The following TIAM1 variants were observed in gnomAD, a reference collection of about 807,000 sequenced individuals.
The protein encoded by TIAM1 is TIAM Rac1 associated GEF 1.
In TIAM1, 65 loss-of-function variants were observed where a neutral mutation model predicts 163.5. The ratio of observed to expected loss-of-function variants is 0.40; its 90% CI spans 0.33 to 0.49. The LOEUF is 0.49. Ranked by LOEUF, TIAM1 falls within the 20% of genes least tolerant of loss-of-function variation. The probability of loss-of-function intolerance (pLI) is 0.77; values close to 1 mark genes in which losing one functional copy is unlikely to be tolerated. For missense variants in TIAM1, 1,789 were observed against 2,044.7 expected (o/e 0.87, Z 2.41); for synonymous variants, 833 against 810.1 (o/e 1.03, Z -0.48).
rs555613107 is a variant in TIAM1 at position 31,359,084 on chromosome 21, A to G, written c.-368-19662T>C. On this transcript the variant is annotated intron_variant, in intron 2 of 28. Transcript: ENST00000286827. ...TTTATATTCTTTTAGTCTTCATTCA[A>G]ATGGTACCATCTCATCACTATACCC... 1.4e-3 allele frequency among the ~76,000 whole-genome samples: 207 copies of G among 152,068 alleles called. 1 individual carries two copies. Among genetic ancestry groups the G allele is most frequent in the African/African-American group, 4.9e-3 (202 of 41,462 alleles).
chr21:31,324,890 G>A (rs746683497), intron 2 of TIAM1, among the ~76,000 whole-genome samples: 4 of 152,148 alleles, frequency 2.6e-5, no homozygotes, highest in Non-Finnish European at 5.9e-5. Flanking sequence ...ACAGGGAAAT[G>A]GTGAATACCT....
At chr21:31,201,113 G>GT (rs1436568947) in intron 12 of TIAM1, among the ~76,000 whole-genome samples, 3 of 152,232 alleles carry the variant, frequency 2.0e-5, no homozygotes, top group Admixed American at 1.3e-4. Flanking sequence ...ATGGAACCTG[G>GT]TTAGGCATGA....
intron 2 of TIAM1, among the ~76,000 whole-genome samples, chr21:31,411,507 A>C: frequency 7.7e-6 from 1 of 129,132 alleles, no homozygotes. Context: ...ATAGGGTCTC[A>C]CTCCCTTGCC....
chr21:31,190,734 G>A (rs778293315), intron 13 of TIAM1, among the ~76,000 whole-genome samples: 9 of 152,134 alleles, frequency 5.9e-5, no homozygotes, highest in Non-Finnish European at 8.8e-5. Context: ...GTAAAGTGTG[G>A]GAGTGAGCTG....
intron 2 of TIAM1, among the ~76,000 whole-genome samples, chr21:31,454,486 T>C (rs946182550): frequency 2.0e-5 from 3 of 152,116 alleles, no homozygotes; most frequent in Non-Finnish European, 4.4e-5. Context: ...CAGAGCAAGG[T>C]AGGCGTTCAC....
At chr21:31,227,116 C>T (rs1341741695) in intron 6 of TIAM1, among the ~76,000 whole-genome samples, 2 of 151,816 alleles carry the variant, frequency 1.3e-5, no homozygotes, top group South Asian at 2.1e-4. Context: ...GCCACCATGC[C>T]CGGCTAAGTT....
At chr21:31,412,284 G>C (rs1250700787) in intron 2 of TIAM1, among the ~76,000 whole-genome samples, 1 of 152,150 alleles carries the variant, frequency 6.6e-6, no homozygotes, top group Non-Finnish European at 1.5e-5. Flanking sequence ...AGGATGGCGG[G>C]GTGCAAAGAG....
At chr21:31,552,689 G>T (rs1000635323) in intron 1 of TIAM1, among the ~76,000 whole-genome samples, 2 of 152,114 alleles carry the variant, frequency 1.3e-5, no homozygotes, top group African/African-American at 4.8e-5. Flanking sequence ...AGAATTGCTT[G>T]AACCTGGGAG....
chr21:31,537,310 G>A (rs1209347165), intron 1 of TIAM1, among the ~76,000 whole-genome samples: 1 of 152,164 alleles, frequency 6.6e-6, no homozygotes, highest in Non-Finnish European at 1.5e-5. Context: ...TCTTGGGACT[G>A]AAGAGGAGCA....
At chr21:31,371,117 T>C in intron 2 of TIAM1, among the ~76,000 whole-genome samples, 1 of 152,180 alleles carries the variant, frequency 6.6e-6, no homozygotes, top group Admixed American at 6.5e-5. Context: ...TGACAACAAC[T>C]TCAATTCAAG....
intron 2 of TIAM1, among the ~76,000 whole-genome samples, chr21:31,277,791 T>C (rs1311295582): frequency 6.6e-6 from 1 of 152,204 alleles, no homozygotes; most frequent in Non-Finnish European, 1.5e-5. Context: ...TTCTTTCTTG[T>C]GCGAGATCCA....
At chr21:31,187,593 T>C (rs1197599271) in intron 13 of TIAM1, among the ~76,000 whole-genome samples, 1 of 152,188 alleles carries the variant, frequency 6.6e-6, no homozygotes, top group Non-Finnish European at 1.5e-5. Flanking sequence ...GAATCTGTAA[T>C]GTGAATTACA....
At chr21:31,210,593 AGAG>A (rs2086700127) in intron 10 of TIAM1, among the ~76,000 whole-genome samples, 1 of 80,880 alleles carries the variant, frequency 1.2e-5, no homozygotes, top group African/African-American at 7.0e-5. Flanking sequence ...AAAGAAAGAA[AGAG>A]AGAAAGAAGG....
intron 2 of TIAM1, among the ~76,000 whole-genome samples, chr21:31,327,283 T>C (rs534568483): frequency 6.6e-6 from 1 of 152,172 alleles, no homozygotes; most frequent in Non-Finnish European, 1.5e-5. Flanking sequence ...GAACTCATTC[T>C]AGAATTCATC....
intron 2 of TIAM1, among the ~76,000 whole-genome samples, chr21:31,331,466 T>G (rs1162223329): frequency 6.6e-6 from 1 of 152,186 alleles, no homozygotes; most frequent in African/African-American, 2.4e-5. Flanking sequence ...GTCTTAAATG[T>G]TATTCCAAAA....
intron 2 of TIAM1, among the ~76,000 whole-genome samples, chr21:31,305,067 A>C (rs917590324): frequency 3.9e-5 from 6 of 152,208 alleles, no homozygotes; most frequent in African/African-American, 1.4e-4. Flanking sequence ...TAGTAACTTT[A>C]TATGTGTACA....
intron 2 of TIAM1, among the ~76,000 whole-genome samples, chr21:31,414,391 T>C (rs2043304080): frequency 6.6e-6 from 1 of 152,094 alleles, no homozygotes; most frequent in African/African-American, 2.4e-5. Context: ...AATCTAACAG[T>C]GAAGAATCCC....
At chr21:31,528,218 T>C (rs942148634) in intron 1 of TIAM1, among the ~76,000 whole-genome samples, 1 of 152,084 alleles carries the variant, frequency 6.6e-6, no homozygotes, top group Non-Finnish European at 1.5e-5. Flanking sequence ...GACCTCTATT[T>C]AAAATACTTC....
rs556784908 is a variant in TIAM1, at chr21:31,395,694, T to C, written c.-368-56272A>G. ...TAAATATTGACTAAAACATCTATCT[T>C]GGGGAGGGGGCGCATGCGTTCCCCT... On this transcript the variant is annotated intron_variant, in intron 2 of 28. Transcript: ENST00000286827. This position sits in a 1 kb window ranked among gnomAD's most constrained non-coding sequence, Gnocchi z 7.5. Among the ~76,000 whole-genome samples the C allele has an allele frequency of 1.3e-5, 2 of 152,242 alleles. No individual in the cohort carries two copies. The highest frequency in any genetic ancestry group is 4.8e-5 in the African/African-American group (2 of 41,564).
Sources: gnomAD v4.1 joint callset for allele counts (sites outside exome capture counted in the v4.1 genomes callset) on GRCh38, gnomAD v4.1.1 for gene constraint, Gnocchi (gnomAD v3.1) non-coding constraint, MANE v1.5 for transcripts, NCBI Gene and HGNC (gene_info 2026-07-23, HGNC 2026-07-21) for gene names.